The following RCAN2 variants were observed in gnomAD, a reference collection of about 807,000 sequenced individuals.
RCAN2 encodes regulator of calcineurin 2.
Under a neutral mutation model 23.6 loss-of-function variants are expected in RCAN2, and 9 were observed. That is an observed-to-expected ratio of 0.38 (90% CI 0.23 to 0.67). RCAN2 has a LOEUF of 0.67. Among genes scored for constraint, RCAN2 ranks in the 30% least tolerant of loss-of-function variants. RCAN2 has a pLI of 0.51. For synonymous variants in RCAN2, 109 were observed against 115.7 expected, an observed-to-expected ratio of 0.94 and a Z score of 0.37; for missense variants, 273 against 302.3, an observed-to-expected ratio of 0.90 and a Z score of 0.72.
At chr6:46,254,764 G>A (rs1013969716) in intron 2 of RCAN2, among the ~76,000 whole-genome samples, 6 of 152,254 alleles carry the variant, frequency 3.9e-5, no homozygotes, top group African/African-American at 1.4e-4. Flanking sequence ...CATCAAAGAT[G>A]TAATTAGTTA....
intron 2 of RCAN2, among the ~76,000 whole-genome samples, chr6:46,343,308 A>G (rs995475523): frequency 6.6e-6 from 1 of 152,186 alleles, no homozygotes; most frequent in Non-Finnish European, 1.5e-5. Flanking sequence ...ATGACCTTCA[A>G]ACATGAAGGT....
intron 4 of RCAN2, among the ~76,000 whole-genome samples, chr6:46,239,570 T>C (rs116325732): frequency 6.6e-6 from 1 of 152,206 alleles, no homozygotes; most frequent in Non-Finnish European, 1.5e-5. Context: ...GTGTGCATTT[T>C]AAGAAAATAT....
intron 2 of RCAN2, among the ~76,000 whole-genome samples, chr6:46,315,894 T>G (rs1231003985): frequency 2.6e-5 from 4 of 151,084 alleles, no homozygotes; most frequent in Non-Finnish European, 5.9e-5. Context: ...CTAGAGAGGT[T>G]TGGAAGAGTT....
At chr6:46,481,289 G>T (rs890821680) in intron 1 of RCAN2, among the ~76,000 whole-genome samples, 11 of 152,184 alleles carry the variant, frequency 7.2e-5, no homozygotes, top group African/African-American at 2.7e-4. Flanking sequence ...AGAGGTAAAT[G>T]AATTAATGAA....
At chr6:46,393,995 A>G (rs1334638345) in intron 2 of RCAN2, among the ~76,000 whole-genome samples, 2 of 152,180 alleles carry the variant, frequency 1.3e-5, no homozygotes, top group Non-Finnish European at 2.9e-5. Context: ...GTGGAAATTC[A>G]TGTCCTTAGG....
chr6:46,391,639 A>C (rs1392501428), intron 2 of RCAN2, among the ~76,000 whole-genome samples: 3 of 152,216 alleles, frequency 2.0e-5, no homozygotes, highest in Admixed American at 2.0e-4. Context: ...CATGGCTCTT[A>C]TTCTATCCTA....
intron 2 of RCAN2, among the ~76,000 whole-genome samples, chr6:46,344,241 G>A (rs911235170): frequency 2.0e-5 from 3 of 152,004 alleles, no homozygotes; most frequent in Non-Finnish European, 4.4e-5. Context: ...ACAATGTCAA[G>A]ACAAAATGAA....
chr6:46,358,825 T>G (rs1473966943), intron 2 of RCAN2, among the ~76,000 whole-genome samples: 1 of 152,138 alleles, frequency 6.6e-6, no homozygotes. Flanking sequence ...GGCTACACCC[T>G]GGGCCAATTA....
intron 1 of RCAN2, among the ~76,000 whole-genome samples, chr6:46,469,572 CT>C (rs1768496496): frequency 6.6e-6 from 1 of 152,170 alleles, no homozygotes; most frequent in Admixed American, 6.5e-5. Flanking sequence ...GATAATCCAC[CT>C]TTTGAGAACT....
chr6:46,320,491 C>T (rs1022889300), intron 2 of RCAN2, among the ~76,000 whole-genome samples: 3 of 152,166 alleles, frequency 2.0e-5, no homozygotes, highest in African/African-American at 7.2e-5. Context: ...TTTTTCATAA[C>T]TCACACAACA....
At chr6:46,353,417 G>A (rs1326312338) in intron 2 of RCAN2, among the ~76,000 whole-genome samples, 1 of 152,080 alleles carries the variant, frequency 6.6e-6, no homozygotes, top group Non-Finnish European at 1.5e-5. Context: ...GGTGCAGGTG[G>A]GAGCAACTGG....
chr6:46,309,515 G>T (rs189699051), intron 2 of RCAN2, among the ~76,000 whole-genome samples: 231 of 152,202 alleles, frequency 1.5e-3, no homozygotes, highest in African/African-American at 5.4e-3. Context: ...CTAAATCATG[G>T]CTCTTGAAAC....
At chr6:46,305,195 A>G (rs1451481052) in intron 2 of RCAN2, among the ~76,000 whole-genome samples, 3 of 152,038 alleles carry the variant, frequency 2.0e-5, no homozygotes, top group Non-Finnish European at 1.5e-5. Context: ...CCAAGAAACC[A>G]CTTGGTAGTC....
chr6:46,254,228 C>T (rs1302988570), intron 2 of RCAN2, among the ~76,000 whole-genome samples: 1 of 152,064 alleles, frequency 6.6e-6, no homozygotes, highest in African/African-American at 2.4e-5. Flanking sequence ...TATTGGGATC[C>T]CTCATGAGTC....
At chr6:46,296,484 C>T (rs984801821) in intron 2 of RCAN2, among the ~76,000 whole-genome samples, 4 of 152,014 alleles carry the variant, frequency 2.6e-5, no homozygotes, top group Admixed American at 1.3e-4. Flanking sequence ...AATAAATAGA[C>T]ACTTATGTTT....
intron 2 of RCAN2, among the ~76,000 whole-genome samples, chr6:46,332,154 G>A (rs1763994711): frequency 6.6e-6 from 1 of 152,048 alleles, no homozygotes; most frequent in South Asian, 2.1e-4. Flanking sequence ...TTAATTTTGT[G>A]TTATAATTAT....
At chr6:46,225,287 G>C (rs570546760) in intron 4 of RCAN2, among the ~76,000 whole-genome samples, 1 of 152,028 alleles carries the variant, frequency 6.6e-6, no homozygotes, top group Non-Finnish European at 1.5e-5. Context: ...TAATCCTTTG[G>C]GTATATACCC....
intron 2 of RCAN2, among the ~76,000 whole-genome samples, chr6:46,375,520 CCTT>C (rs1410041330): frequency 1.3e-5 from 2 of 152,144 alleles, no homozygotes; most frequent in East Asian, 3.9e-4. Context: ...CTTTTAAAAA[CCTT>C]CTTGAATGTG....
At chr6:46,430,193 T>G (rs1767151205) in intron 2 of RCAN2, among the ~76,000 whole-genome samples, 1 of 152,086 alleles carries the variant, frequency 6.6e-6, no homozygotes, top group Admixed American at 6.6e-5. Context: ...ACAACTGCAA[T>G]AGTCGAGATG....
Sources: gnomAD v4.1 joint callset for allele counts (sites outside exome capture counted in the v4.1 genomes callset) on GRCh38, gnomAD v4.1.1 for gene constraint, MANE v1.5 for transcripts, NCBI Gene and HGNC (gene_info 2026-07-23, HGNC 2026-07-21) for gene names.